Variants in TRDN observed in about 807,000 individuals in gnomAD.
TRDN encodes the protein triadin.
A neutral mutation model predicts 149.7 loss-of-function variants in TRDN; 161 were observed. The observed-to-expected ratio is 1.08, with a 90% CI of 0.95 to 1.23. The LOEUF is 1.23. Ranked by LOEUF, TRDN falls within the 50% of genes most tolerant of loss-of-function variation. The pLI, the probability that TRDN is intolerant of heterozygous loss-of-function variation, is 0.00. For missense variants in TRDN, 896 were observed against 823.5 expected, an observed-to-expected ratio of 1.09 and a Z score of -1.08; for synonymous variants, 294 against 250.5, an observed-to-expected ratio of 1.17 and a Z score of -1.64.
intron 22 of TRDN, among the ~76,000 whole-genome samples, chr6:123,333,266 A>T (rs145037791): frequency 1.8e-4 from 27 of 152,082 alleles, no homozygotes; most frequent in Admixed American, 4.6e-4. Context: ...AGAATTCAAG[A>T]TTCAGCATGT....
At chr6:123,271,288 A>G (rs2114612926) in intron 29 of TRDN, 102 bp from the exon 30 acceptor site, 2 of 740,772 alleles carry the variant, frequency 2.7e-6, no homozygotes, top group East Asian at 3.0e-5. Context: ...GCCAATGCCA[A>G]GAAAAACTTG....
chr6:123,247,240 A>G (rs1297521588), intron 38 of TRDN, among the ~76,000 whole-genome samples: 1 of 152,210 alleles, frequency 6.6e-6, no homozygotes, highest in Non-Finnish European at 1.5e-5. Flanking sequence ...ATAGTGTTGG[A>G]AGTTCTAACC....
chr6:123,321,807 G>A, intron 23 of TRDN, among the ~76,000 whole-genome samples: 1 of 151,662 alleles, frequency 6.6e-6, no homozygotes, highest in Admixed American at 6.6e-5. Flanking sequence ...TATACTAGAT[G>A]GTATCTGATT....
At chr6:123,413,705 A>AT (rs1773535437) in intron 12 of TRDN, among the ~76,000 whole-genome samples, 1 of 152,198 alleles carries the variant, frequency 6.6e-6, no homozygotes, top group African/African-American at 2.4e-5. Flanking sequence ...TCTTGAAGGT[A>AT]TTTTTTCACA....
At chr6:123,418,644 A>G (rs1227615273) in intron 12 of TRDN, 1 of 152,004 alleles carries the variant, frequency 6.6e-6, no homozygotes, top group Non-Finnish European at 1.5e-5. Flanking sequence ...TCATACTTTG[A>G]GACTTTGCAA....
In TRDN at chr6:123,260,642, T is replaced by TTTA; in HGVS notation, c.1805-5_1805-4insTAA. On this transcript the variant is annotated splice_polypyrimidine_tract_variant and splice_region_variant and intron_variant, in intron 33 of 40. Transcript: ENST00000334268. ...TCTGTGACTTCTGATGTTCCTTCTTTAGAAAAAAAAAAAAAAAGAATGTAG... is the reference window on the plus strand; with the variant it reads ...TCTGTGACTTCTGATGTTCCTTCTTTTTAAGAAAAAAAAAAAAAAAGAATGTAG... 1 of 916,354 alleles carries TTTA rather than the reference T, an allele frequency of 1.1e-6. No individual in the cohort carries two copies. The highest frequency in any genetic ancestry group is 1.4e-6 in the Non-Finnish European group (1 of 730,702). 56.8% of individuals were successfully genotyped at this position (916,354 alleles called of 1,614,324 possible). A position where few individuals can be genotyped will look rare whatever the true frequency, so the allele number is the denominator to read the frequency against.
At chr6:123,516,835 C>T (rs568093454) in intron 5 of TRDN, among the ~76,000 whole-genome samples, 1 of 152,144 alleles carries the variant, frequency 6.6e-6, no homozygotes, top group East Asian at 1.9e-4. Flanking sequence ...ATTATCCATG[C>T]TAGAAACATG....
chr6:123,355,318 T>A (rs940029180), intron 20 of TRDN, among the ~76,000 whole-genome samples: 2 of 151,726 alleles, frequency 1.3e-5, no homozygotes, highest in Admixed American at 1.3e-4. Flanking sequence ...CTAATGCTTT[T>A]TGTATTCTAT....
At chr6:123,613,121 C>T (rs1324329439) in intron 1 of TRDN, among the ~76,000 whole-genome samples, 1 of 152,106 alleles carries the variant, frequency 6.6e-6, no homozygotes, top group African/African-American at 2.4e-5. Flanking sequence ...CTGCATCATC[C>T]TTCACTTACC....
At chr6:123,416,942 A>T (rs942548611) in intron 12 of TRDN, among the ~76,000 whole-genome samples, 3 of 152,136 alleles carry the variant, frequency 2.0e-5, no homozygotes, top group Non-Finnish European at 4.4e-5. Flanking sequence ...ACCTTAGGTG[A>T]TCCACCTGCC....
intron 12 of TRDN, among the ~76,000 whole-genome samples, chr6:123,423,560 G>A (rs780340243): frequency 6.6e-6 from 1 of 152,054 alleles, no homozygotes; most frequent in Admixed American, 6.6e-5. Context: ...TTCTAAATCT[G>A]TATGGATGTT....
intron 4 of TRDN, 146 bp downstream of exon 4, chr6:123,547,194 G>A: frequency 2.0e-6 from 1 of 510,716 alleles, no homozygotes; most frequent in South Asian, 3.2e-5. Context: ...AAAAGAAATT[G>A]AGTATTTTTT....
intron 9 of TRDN, among the ~76,000 whole-genome samples, chr6:123,494,293 A>G (rs1778342920): frequency 6.6e-6 from 1 of 152,104 alleles, no homozygotes; most frequent in Admixed American, 6.5e-5. Flanking sequence ...TCGTTAACAA[A>G]ATCATCTTTA....
chr6:123,433,366 T>A (rs977069427), intron 12 of TRDN, among the ~76,000 whole-genome samples: 1 of 151,946 alleles, frequency 6.6e-6, no homozygotes, highest in African/African-American at 2.4e-5. Context: ...TACTCAGAGT[T>A]GAACTTGTGG....
Position 123,373,592 on chromosome 6 carries a change from T to C in TRDN, c.1273+2013A>G, listed in dbSNP as rs1476170613. The stretch of plus-strand genomic sequence containing the variant: ...GAGTAAACAATCCCATACTACAAAC[T>C]CAATCCACTTTCCAGTTATGGCCTT... On this transcript the variant is annotated intron_variant, in intron 19 of 40. Transcript: ENST00000334268. Among the ~76,000 whole-genome samples the C allele has an allele frequency of 2.0e-5, 3 of 152,154 alleles. No individual in the cohort carries two copies. In the East Asian group the frequency reaches 5.8e-4, roughly 29 times the overall value.
intron 38 of TRDN, among the ~76,000 whole-genome samples, chr6:123,234,793 A>G (rs945993628): frequency 8.5e-5 from 13 of 152,262 alleles, no homozygotes; most frequent in Non-Finnish European, 1.6e-4. Flanking sequence ...CTTCTGTCCC[A>G]GGGAAATTAA....
At chr6:123,333,249 G>A (rs1021102866) in intron 22 of TRDN, among the ~76,000 whole-genome samples, 3 of 151,974 alleles carry the variant, frequency 2.0e-5, no homozygotes, top group East Asian at 3.9e-4. Flanking sequence ...GCAATGCTTC[G>A]AGTCTCAGAA....
At chr6:123,510,199 G>A (rs921770638) in intron 7 of TRDN, 2 of 151,942 alleles carry the variant, frequency 1.3e-5, no homozygotes, top group Admixed American at 6.6e-5. Context: ...AAATGTTTCA[G>A]TTTACAATTC....
intron 4 of TRDN, among the ~76,000 whole-genome samples, chr6:123,532,630 C>A (rs944893850): frequency 6.6e-6 from 1 of 151,912 alleles, no homozygotes; most frequent in Non-Finnish European, 1.5e-5. Flanking sequence ...ATCGCATAAT[C>A]CAATTCCTTG....
Sources: allele counts gnomAD v4.1 joint callset (sites outside exome capture counted in the v4.1 genomes callset), GRCh38; gene constraint gnomAD v4.1.1; transcripts MANE v1.5; gene names NCBI Gene and HGNC (gene_info 2026-07-23, HGNC 2026-07-21).